C1QTNF7: variants seen among roughly 807,000 people sequenced by gnomAD.
C1QTNF7 encodes the protein complement C1q tumor necrosis factor-related protein 7.
In C1QTNF7, 15 loss-of-function variants were observed where a neutral mutation model predicts 19.6. That is an observed-to-expected ratio of 0.76 (90% CI 0.51 to 1.18). The LOEUF (loss-of-function observed/expected upper bound fraction) is 1.18, where lower values mean the gene tolerates loss of function less well. Among genes scored for constraint, C1QTNF7 ranks in the 50% most tolerant of loss-of-function variants. The pLI, the probability that C1QTNF7 is intolerant of heterozygous loss-of-function variation, is 0.00. For missense variants in C1QTNF7, 324 were observed against 359.7 expected, an observed-to-expected ratio of 0.90 and a Z score of 0.80; for synonymous variants, 142 against 137.5, an observed-to-expected ratio of 1.03 and a Z score of -0.23.
intron 1 of C1QTNF7, among the ~76,000 whole-genome samples, chr4:15,415,043 A>G (rs1216610166): frequency 2.0e-5 from 3 of 152,272 alleles, no homozygotes; most frequent in African/African-American, 7.2e-5. Flanking sequence ...TAAGATTAAT[A>G]GACATGCTGA....
At chr4:15,353,373 C>T (rs1717001999) in intron 1 of C1QTNF7, among the ~76,000 whole-genome samples, 1 of 152,146 alleles carries the variant, frequency 6.6e-6, no homozygotes, top group African/African-American at 2.4e-5. Context: ...TGCCAACATA[C>T]CCATAAAAGG....
At chr4:15,422,636 G>C (rs1320719173) in intron 1 of C1QTNF7, among the ~76,000 whole-genome samples, 1 of 151,484 alleles carries the variant, frequency 6.6e-6, no homozygotes, top group Non-Finnish European at 1.5e-5. Context: ...AAAGGGTCTT[G>C]CTTTGTCACC....
At chr4:15,372,255 T>C (rs1327253226) in intron 1 of C1QTNF7, among the ~76,000 whole-genome samples, 1 of 152,194 alleles carries the variant, frequency 6.6e-6, no homozygotes, top group Non-Finnish European at 1.5e-5. Flanking sequence ...GAGGCGTTCA[T>C]AGCTAATCCA....
intron 1 of C1QTNF7, among the ~76,000 whole-genome samples, chr4:15,422,781 T>C (rs925784753): frequency 1.3e-5 from 2 of 152,062 alleles, no homozygotes; most frequent in South Asian, 2.1e-4. Context: ...TTTTATTTCT[T>C]TTTTATGTAT....
chr4:15,415,142 T>C (rs1719550772), intron 1 of C1QTNF7, among the ~76,000 whole-genome samples: 1 of 152,138 alleles, frequency 6.6e-6, no homozygotes, highest in Admixed American at 6.5e-5. Flanking sequence ...ATGTCTAAAA[T>C]CCAAGACTCT....
chr4:15,357,962 T>C (rs1276136615), intron 1 of C1QTNF7, among the ~76,000 whole-genome samples: 1 of 152,238 alleles, frequency 6.6e-6, no homozygotes, highest in Non-Finnish European at 1.5e-5. Context: ...TGAAGTTGTT[T>C]ATCAGCTTAA....
Position 15,442,920 on chromosome 4 carries a change from C to A in C1QTNF7, c.*121C>A, listed in dbSNP as rs2110362. On this transcript the variant is annotated 3_prime_UTR_variant, in exon 3 of 3. Transcript: ENST00000444304. ...GATTCTAAAGCATTTAAAGACAATT[C>A]TAGCAGAATTTATCAAAACAAGATG... The A allele has an allele frequency of 0.32, 343,187 of 1,068,108 alleles. 59,315 individuals carry two copies. Among genetic ancestry groups the A allele is most frequent in the Non-Finnish European group, 0.35 (271,750 of 767,056 alleles). 66.2% of individuals were successfully genotyped at this position (1,068,108 alleles called of 1,614,324 possible).
At chr4:15,382,330 A>T (rs1164803499) in intron 1 of C1QTNF7, among the ~76,000 whole-genome samples, 1 of 152,118 alleles carries the variant, frequency 6.6e-6, no homozygotes, top group Non-Finnish European at 1.5e-5. Context: ...ATCACAAACA[A>T]AAAAAAGAGC....
intron 2 of C1QTNF7, among the ~76,000 whole-genome samples, chr4:15,437,533 G>T (rs1006811262): frequency 8.5e-5 from 13 of 152,110 alleles, no homozygotes; most frequent in African/African-American, 2.9e-4. Flanking sequence ...GTTTCATGAG[G>T]TAGTTCTAAT....
chr4:15,426,148 T>TA (rs1560366770), upstream of C1QTNF7, among the ~76,000 whole-genome samples: 1 of 151,966 alleles, frequency 6.6e-6, no homozygotes, highest in Admixed American at 6.5e-5. Flanking sequence ...GGATATGGGG[T>TA]AAAAAAGAGC....
At chr4:15,374,858 T>C in intron 1 of C1QTNF7, 1 of 597,988 alleles carries the variant, frequency 1.7e-6, no homozygotes, top group Non-Finnish European at 2.0e-6. Context: ...GGTGTTTCTC[T>C]CTCTCTCTCT....
chr4:15,365,277 T>A (rs1371824992), intron 1 of C1QTNF7, among the ~76,000 whole-genome samples: 2 of 152,028 alleles, frequency 1.3e-5, no homozygotes, highest in Non-Finnish European at 2.9e-5. Flanking sequence ...ACTGGAAATA[T>A]ACTTGTGTAC....
At chr4:15,390,104 T>C (rs1718500094) in intron 1 of C1QTNF7, among the ~76,000 whole-genome samples, 1 of 152,010 alleles carries the variant, frequency 6.6e-6, no homozygotes, top group Non-Finnish European at 1.5e-5. Context: ...GAGAAACAGA[T>C]GAGTAGGAAA....
At chr4:15,395,326 T>G (rs903352288) in intron 1 of C1QTNF7, among the ~76,000 whole-genome samples, 12 of 152,032 alleles carry the variant, frequency 7.9e-5, no homozygotes, top group African/African-American at 2.9e-4. Context: ...GTGGGGGGCG[T>G]GGACTCTGGA....
intron 1 of C1QTNF7, among the ~76,000 whole-genome samples, chr4:15,409,512 T>G (rs1719327724): frequency 6.6e-6 from 1 of 152,280 alleles, no homozygotes; most frequent in African/African-American, 2.4e-5. Flanking sequence ...CTATTCATGC[T>G]TTTCATTATG....
intron 1 of C1QTNF7, among the ~76,000 whole-genome samples, chr4:15,376,887 C>T (rs144248447): frequency 3.4e-4 from 52 of 152,336 alleles, no homozygotes; most frequent in African/African-American, 1.2e-3. Flanking sequence ...AAATTAGCAG[C>T]ACTGATGTCT....
chr4:15,412,798 T>C (rs1467625501), intron 1 of C1QTNF7, among the ~76,000 whole-genome samples: 1 of 152,168 alleles, frequency 6.6e-6, no homozygotes, highest in Non-Finnish European at 1.5e-5. Context: ...TTCTGGAGAT[T>C]TTTACAGAAG....
At chr4:15,441,747 C>G (rs543014216) in intron 2 of C1QTNF7, among the ~76,000 whole-genome samples, 1 of 152,116 alleles carries the variant, frequency 6.6e-6, no homozygotes, top group Non-Finnish European at 1.5e-5. Context: ...ATTGGCTGGG[C>G]GCGGTGGCTC....
chr4:15,368,252 C>T (rs1413337034), intron 1 of C1QTNF7, among the ~76,000 whole-genome samples: 2 of 151,996 alleles, frequency 1.3e-5, no homozygotes, highest in African/African-American at 2.4e-5. Context: ...TCCACACCCC[C>T]GACTCTTTCA....
Sources: gnomAD v4.1 joint callset for allele counts (sites outside exome capture counted in the v4.1 genomes callset) on GRCh38, gnomAD v4.1.1 for gene constraint, MANE v1.5 for transcripts, NCBI Gene and HGNC (gene_info 2026-07-23, HGNC 2026-07-21) for gene names.